RAD21: variants seen among roughly 807,000 people sequenced by gnomAD.
RAD21 encodes the protein RAD21 cohesin complex component.
A neutral mutation model predicts 71.5 loss-of-function variants in RAD21; 18 were observed. That is an observed-to-expected ratio of 0.25 (90% CI 0.17 to 0.37). The LOEUF (loss-of-function observed/expected upper bound fraction) is 0.37. Among genes scored for constraint, RAD21 ranks in the 10% least tolerant of loss-of-function variants. RAD21 has a pLI of 1.00. For synonymous variants in RAD21, 248 were observed against 254.0 expected, an observed-to-expected ratio of 0.98 and a Z score of 0.22; for missense variants, 493 against 769.1, an observed-to-expected ratio of 0.64 and a Z score of 4.25.
In RAD21 at chr8:116,851,942, A is replaced by G; in HGVS notation, c.1470+6T>C. On this transcript the variant is annotated splice_donor_region_variant and intron_variant, in intron 11 of 13. Transcript: ENST00000297338. ...AATGACTTAATGGATAGATTTGCTT[A>G]CTTACAGGCATCACAGGCTCTGGGT... 1.2e-6 allele frequency: 2 copies of G among 1,603,610 alleles called. No individual in the cohort carries two copies. Among genetic ancestry groups the G allele is most frequent in the Non-Finnish European group, 8.5e-7 (1 of 1,172,338 alleles).
chr8:116,851,590 T>C (rs1188913779), intron 11 of RAD21: 4 of 165,824 alleles, frequency 2.4e-5, no homozygotes, highest in African/African-American at 7.1e-5. Context: ...TTTTCTCAGG[T>C]ATTTGAAGTT....
chr8:116,848,641 G>A (rs1253328433), intron 13 of RAD21, among the ~76,000 whole-genome samples: 1 of 152,006 alleles, frequency 6.6e-6, no homozygotes, highest in East Asian at 1.9e-4. Context: ...ATACAAAGGA[G>A]TTGTGTGGTA....
At chr8:116,856,344 T>C (rs1812465787) in intron 7 of RAD21, 56 bp from the exon 8 acceptor site, 1 of 1,364,584 alleles carries the variant, frequency 7.3e-7, no homozygotes, top group Non-Finnish European at 9.5e-7. Context: ...ATATAACATA[T>C]ATCCCACAAA....
In RAD21 at chr8:116,856,678, T is replaced by C. The variant is rs201565607; in HGVS notation, c.782A>G (p.His261Arg). The C allele has an allele frequency of 2.5e-6, 4 of 1,595,914 alleles. No homozygotes were observed. The highest frequency in any genetic ancestry group is 3.4e-6 in the Non-Finnish European group (4 of 1,171,008). ...AGVMLPEQPA[H>R]DDMDEDDNVS... ...ATTATCATCCTCATCCATATCGTCA[T>C]GTGCAGGCTGCTCTGGCAACATCAC... The change falls in exon 7 of 14, where the codon CAT (histidine) becomes CGT (arginine). Residue 261 changes from histidine (H) to arginine (R), a missense_variant. Transcript: ENST00000297338.
chr8:116,856,870 A>AT, intron 6 of RAD21, 99 bp from the exon 7 acceptor site: 1 of 836,160 alleles, frequency 1.2e-6, no homozygotes, highest in Non-Finnish European at 1.7e-6. Context: ...AAGGGATAAA[A>AT]TTTAAACGTA....
In RAD21 at chr8:116,847,661, T is replaced by TA; in HGVS notation, c.1734dup (p.Ile579TyrfsTer5). The TA allele has an allele frequency of 6.2e-7, 1 of 1,613,928 alleles. No homozygotes were observed. Among genetic ancestry groups the TA allele is most frequent in the Non-Finnish European group, 8.5e-7 (1 of 1,179,910 alleles). On this transcript the variant is annotated frameshift_variant, in exon 14 of 14. Transcript: ENST00000297338. LOFTEE classifies it high-confidence loss of function. Reference sequence around the variant, plus strand: ...TTTCGACATAACTCAAGCAAACTGATAGATTCAGCTCCAGTTTTAGCAAGA... The same window carrying TA: ...TTTCGACATAACTCAAGCAAACTGATAAGATTCAGCTCCAGTTTTAGCAAGA...
intron 8 of RAD21, among the ~76,000 whole-genome samples, chr8:116,855,936 CAA>C (rs1812453269): frequency 6.6e-6 from 1 of 151,934 alleles, no homozygotes; most frequent in Non-Finnish European, 1.5e-5. Flanking sequence ...ACAAAATACT[CAA>C]AATTATAATT....
rs16889088 is a variant in RAD21, at chr8:116,869,849, G to A, written c.-32-3088C>T. Among the ~76,000 whole-genome samples, 385 of 152,268 alleles carry A rather than the reference G, an allele frequency of 2.5e-3. 1 individual carries two copies. The highest frequency in any genetic ancestry group is 9.0e-3 in the African/African-American group (374 of 41,568). On this transcript the variant is annotated intron_variant, in intron 1 of 13. Coordinates refer to ENST00000297338, the MANE Select transcript of RAD21 (RefSeq NM_006265.3). Reference sequence around the variant, plus strand: ...AATTAGCTTTTCTCTAAAAGATACAGAGTAATTATTTTTCATTTTTTCACA... The same window carrying A: ...AATTAGCTTTTCTCTAAAAGATACAAAGTAATTATTTTTCATTTTTTCACA...
rs781747488 is a variant in RAD21 at position 116,852,597 on chromosome 8, C to T, written c.1273G>A (p.Val425Ile). The change falls in exon 10 of 14, where the codon GTT becomes ATT. Residue 425 changes from valine to isoleucine, a missense_variant. Coordinates refer to ENST00000297338, the MANE Select transcript of RAD21 (RefSeq NM_006265.3). The stretch of plus-strand genomic sequence containing the variant: ...TGCTGTTGCTGGTCCTCTCTAGGAA[C>T]CTCTGGATTTTCAAATTCTTTGAGG... ...EFLKEFENPE[V>I]PREDQQQQHQ... 7.4e-6 allele frequency: 12 copies of T among 1,613,442 alleles called. No homozygotes were observed. Among genetic ancestry groups the T allele is most frequent in the Admixed American group, 1.7e-5 (1 of 59,950 alleles).
At chr8:116,852,176 G>T in intron 10 of RAD21, 80 bp from the exon 11 acceptor site, 1 of 1,256,430 alleles carries the variant, frequency 8.0e-7, no homozygotes. Context: ...TTTTAAACTA[G>T]TACACTAAGA....
intron 5 of RAD21, 110 bp from the exon 6 acceptor site, chr8:116,857,583 C>A (rs1368413470): frequency 2.3e-5 from 21 of 920,730 alleles, no homozygotes; most frequent in Non-Finnish European, 3.2e-5. Flanking sequence ...TTACTGAAGT[C>A]TTACTTCAAA....
intron 4 of RAD21, among the ~76,000 whole-genome samples, chr8:116,861,489 T>C (rs972429030): frequency 1.5e-4 from 23 of 151,322 alleles, no homozygotes; most frequent in Admixed American, 4.6e-4. Context: ...GCCTGGCCAA[T>C]CCAGTAGCTG....
At chr8:116,863,855 G>A (rs966764152) in intron 2 of RAD21, among the ~76,000 whole-genome samples, 1 of 152,080 alleles carries the variant, frequency 6.6e-6, no homozygotes. Context: ...AGGATGGAGA[G>A]TTCTTGGATG....
In RAD21 at chr8:116,852,585, C is replaced by T. The variant is rs147956016; in HGVS notation, c.1285G>A (p.Asp429Asn). 1.8e-5 allele frequency: 29 copies of T among 1,613,038 alleles called. No homozygotes were observed. The highest frequency in any genetic ancestry group is 2.3e-5 in the Non-Finnish European group (27 of 1,179,552). ...EFENPEVPRE[D>N]QQQQHQQRDV... ...CGCTGCTGATGCTGCTGTTGCTGGTCCTCTCTAGGAACCTCTGGATTTTCA... is the reference window on the plus strand; with the variant it reads ...CGCTGCTGATGCTGCTGTTGCTGGTTCTCTCTAGGAACCTCTGGATTTTCA... The change falls in exon 10 of 14, where the codon GAC (aspartate) becomes AAC (asparagine). Residue 429 changes from aspartate to asparagine, a missense_variant. This residue lies in a region of RAD21 where 225 missense variants were observed against 218.3 expected (regional missense o/e 1.03). Coordinates refer to ENST00000297338, the MANE Select transcript of RAD21 (RefSeq NM_006265.3).
rs1812479301 is a variant in RAD21 at position 116,856,788 on chromosome 8, AAGTT to A, written c.689-21_689-18del. The A allele has an allele frequency of 1.3e-6, 2 of 1,482,704 alleles. No homozygotes were observed. Among genetic ancestry groups the A allele is most frequent in the African/African-American group, 1.4e-5 (1 of 70,010 alleles). The allele number at this position is 1,482,704 out of a possible 1,614,324, so 91.8% of individuals were successfully genotyped here. On this transcript the variant is annotated intron_variant, in intron 6 of 13. Coordinates refer to ENST00000297338, the MANE Select transcript of RAD21 (RefSeq NM_006265.3). The stretch of plus-strand genomic sequence containing the variant: ...GTTTGTCATCTGAAATAGGGAATGT[AAGTT>A]AGTTATAATTTGAAAAAGAAATGCC...
chr8:116,872,520 T>G (rs576079216), intron 1 of RAD21, among the ~76,000 whole-genome samples: 4 of 145,456 alleles, frequency 2.7e-5, no homozygotes, highest in African/African-American at 1.0e-4. Context: ...TTTTGTACTG[T>G]TTGATATATA....
At chr8:116,855,067 T>A (rs1476615419) in intron 8 of RAD21, among the ~76,000 whole-genome samples, 1 of 152,072 alleles carries the variant, frequency 6.6e-6, no homozygotes, top group African/African-American at 2.4e-5. Flanking sequence ...GAAAAGCGCA[T>A]GGGGTTAAAT....
chr8:116,867,917 T>C (rs1163644684), intron 1 of RAD21, among the ~76,000 whole-genome samples: 2 of 152,226 alleles, frequency 1.3e-5, no homozygotes, highest in Admixed American at 6.5e-5. Context: ...TATGCAGATG[T>C]GTATAATCAC....
chr8:116,850,669 T>G lies in RAD21; in HGVS notation c.1569A>C (p.Pro523=). 6.2e-7 allele frequency: 1 copy of G among 1,612,292 alleles called. No homozygotes were observed. The highest frequency in any genetic ancestry group is 8.5e-7 in the Non-Finnish European group (1 of 1,178,476). Residue 523 remains proline, a synonymous_variant, in exon 12 of 14, where the codon CCA becomes CCC. Transcript: ENST00000297338. ...CQLIPELELL[P]EKEKEKEKEK... ...CCTTCTCTTTCTCCTTCTCTTTTTC[T>G]GGCAGAAGTTCTAACTCTGGTATTA... is the stretch of plus-strand genomic sequence containing the variant.
Sources: gnomAD v4.1 joint callset for allele counts (sites outside exome capture counted in the v4.1 genomes callset) on GRCh38, gnomAD v4.1.1 for gene constraint, gnomAD v4.1.1 regional missense constraint, MANE v1.5 for transcripts, NCBI Gene and HGNC (gene_info 2026-07-23, HGNC 2026-07-21) for gene names.